ATP11A: variants seen among roughly 807,000 people sequenced by gnomAD.
ATP11A encodes phospholipid-transporting ATPase IH.
Under a neutral mutation model 154.4 loss-of-function variants are expected in ATP11A, and 81 were observed. The ratio of observed to expected loss-of-function variants is 0.52; its 90% CI spans 0.44 to 0.63. ATP11A has a LOEUF of 0.63. ATP11A is among the 30% of genes least tolerant of loss of function. ATP11A has a pLI of 0.00. For missense variants in ATP11A, 1,316 were observed against 1,474.3 expected (o/e 0.89, Z 1.76); for synonymous variants, 623 against 585.9 (o/e 1.06, Z -0.91).
At position 112,756,831 on chromosome 13, in the gene ATP11A, A is replaced by G. The variant is rs946960234; in HGVS notation, c.40-28304A>G. 9.7e-4 allele frequency among the ~76,000 whole-genome samples: 147 copies of G among 150,824 alleles called. 2 individuals carry two copies. The highest frequency in any genetic ancestry group is 3.1e-3 in the African/African-American group (129 of 41,074). ...TCCCAGCGAGGGGTCTGCTCCCAGC[A>G]CGGGGCCTGCTCCCAGCGCGGGGTC... On this transcript the variant is annotated intron_variant, in intron 1 of 29. Coordinates refer to ENST00000375645, the MANE Select transcript of ATP11A (RefSeq NM_015205.3).
chr13:112,841,056 C>T (rs939890803), intron 16 of ATP11A, among the ~76,000 whole-genome samples: 2 of 152,290 alleles, frequency 1.3e-5, no homozygotes, highest in South Asian at 2.1e-4. Flanking sequence ...GCCGTCACCG[C>T]GCCGTAGCAC....
At chr13:112,718,084 TAATA>T (rs982407268) in intron 1 of ATP11A, among the ~76,000 whole-genome samples, 5 of 152,040 alleles carry the variant, frequency 3.3e-5, no homozygotes, top group Non-Finnish European at 5.9e-5. Flanking sequence ...CTCAAAAAAT[TAATA>T]AATAAATAAA....
chr13:112,750,909 TCAAA>T (rs2076676088), intron 1 of ATP11A, among the ~76,000 whole-genome samples: 1 of 152,244 alleles, frequency 6.6e-6, no homozygotes, highest in African/African-American at 2.4e-5. Flanking sequence ...CTCTCCTTCA[TCAAA>T]CATTTATAGA....
intron 1 of ATP11A, among the ~76,000 whole-genome samples, chr13:112,742,452 T>TG (rs1174188217): frequency 7.9e-5 from 12 of 152,184 alleles, no homozygotes; most frequent in African/African-American, 2.6e-4. Flanking sequence ...AGGTCGTGTG[T>TG]GGGGGGACTT....
intron 14 of ATP11A, 103 bp from the exon 15 acceptor site, chr13:112,834,486 T>G (rs2079178685): frequency 1.3e-6 from 1 of 750,038 alleles, no homozygotes; most frequent in African/African-American, 1.8e-5. Flanking sequence ...TGAAAGTATT[T>G]CTTTTTTGAA....
chr13:112,803,557 A>G (rs989730128), intron 2 of ATP11A, among the ~76,000 whole-genome samples: 1 of 148,744 alleles, frequency 6.7e-6, no homozygotes, highest in Non-Finnish European at 1.5e-5. Context: ...AACTATTTCC[A>G]AACTCAGTGA....
Position 112,705,974 on chromosome 13 carries a change from C to T in ATP11A, c.39+15519C>T, listed in dbSNP as rs1463050303. ...AATACACTCAGTGCTGTACGATCAT[C>T]ACCGCCAGGTACTTCCAGATCTTTT... On this transcript the variant is annotated intron_variant, in intron 1 of 29. Coordinates refer to ENST00000375645, the MANE Select transcript of ATP11A (RefSeq NM_015205.3). Among the ~76,000 whole-genome samples the T allele has an allele frequency of 2.0e-5, 3 of 152,202 alleles. No individual in the cohort carries two copies. In the East Asian group the frequency reaches 5.8e-4, roughly 29 times the overall value.
intron 2 of ATP11A, among the ~76,000 whole-genome samples, chr13:112,791,650 C>T (rs975041199): frequency 6.6e-6 from 1 of 152,146 alleles, no homozygotes; most frequent in Non-Finnish European, 1.5e-5. Flanking sequence ...TCCTACTGTC[C>T]GTTTCGAACG....
chr13:112,783,546 C>A (rs1378746062), intron 1 of ATP11A, among the ~76,000 whole-genome samples: 1 of 152,244 alleles, frequency 6.6e-6, no homozygotes, highest in East Asian at 1.9e-4. Context: ...CCTTCGACGG[C>A]AGTGCCCGCT....
In ATP11A at chr13:112,757,747, TAAAAA is replaced by T. The variant is rs1416472288; in HGVS notation, c.40-27387_40-27383del. Among the ~76,000 whole-genome samples the T allele has an allele frequency of 9.2e-5, 14 of 152,360 alleles. 1 individual carries two copies. The East Asian group carries it at 2.7e-3, about 29-fold the overall frequency. On this transcript the variant is annotated intron_variant, in intron 1 of 29. Coordinates refer to ENST00000375645, the MANE Select transcript of ATP11A (RefSeq NM_015205.3). ...AATTACAAAAACAATTAAGTTGTAT[TAAAAA>T]GAAAAGTCTTTAAAAATACCTACTC... is the stretch of plus-strand genomic sequence containing the variant.
At chr13:112,710,052 G>A (rs1328571773) in intron 1 of ATP11A, among the ~76,000 whole-genome samples, 4 of 152,214 alleles carry the variant, frequency 2.6e-5, no homozygotes, top group Non-Finnish European at 5.9e-5. Context: ...CTGGGCATCA[G>A]CCATGGTGAG....
intron 1 of ATP11A, among the ~76,000 whole-genome samples, chr13:112,723,272 A>T: frequency 7.4e-6 from 1 of 135,282 alleles, no homozygotes; most frequent in Non-Finnish European, 1.6e-5. Flanking sequence ...TTGGTGTCTT[A>T]TTGCCACAGA....
chr13:112,707,581 T>C (rs1887288624), intron 1 of ATP11A, among the ~76,000 whole-genome samples: 1 of 152,126 alleles, frequency 6.6e-6, no homozygotes, highest in African/African-American at 2.4e-5. Flanking sequence ...GAACTCAATG[T>C]AGCCATTCCA....
chr13:112,871,795 C>G lies in ATP11A; in HGVS notation c.3052C>G (p.Leu1018Val). The change falls in exon 26 of 30, where the codon CTA (leucine) becomes GTA (valine). Residue 1018 changes from leucine to valine, a missense_variant. Transcript: ENST00000375645. ...CACCGTGATGGTGTTCACAGTTACA[C>G]TAAAGGTAAGTGGTCTCGCGCTCAC... ...VFTVMVFTVT[L>V]KLALDTHYWT... 6.2e-7 allele frequency: 1 copy of G among 1,614,092 alleles called. No individual in the cohort carries two copies. The highest frequency in any genetic ancestry group is 8.5e-7 in the Non-Finnish European group (1 of 1,179,926).
At chr13:112,831,225 A>C in intron 12 of ATP11A, 150 bp from the exon 13 acceptor site, 1 of 828,780 alleles carries the variant, frequency 1.2e-6, no homozygotes. Context: ...CAGCCCAGTG[A>C]GGGGGTCTGT....
chr13:112,826,644 C>A, intron 11 of ATP11A, 50 bp from the exon 12 acceptor site: 1 of 1,491,196 alleles, frequency 6.7e-7, no homozygotes, highest in Non-Finnish European at 9.4e-7. Context: ...TGTTGGAGGC[C>A]TGCTGTCCCT....
At chr13:112,749,045 A>C (rs936431019) in intron 1 of ATP11A, among the ~76,000 whole-genome samples, 1 of 152,226 alleles carries the variant, frequency 6.6e-6, no homozygotes, top group Non-Finnish European at 1.5e-5. Flanking sequence ...CCACAGCTGG[A>C]GTGACCTACA....
chr13:112,796,161 T>C (rs551910582), intron 2 of ATP11A, among the ~76,000 whole-genome samples: 1 of 152,326 alleles, frequency 6.6e-6, no homozygotes, highest in Admixed American at 6.5e-5. Flanking sequence ...AGCCATGTGT[T>C]CTCTACTCTG....
intron 1 of ATP11A, chr13:112,703,342 C>T (rs1003319348): frequency 6.6e-6 from 1 of 152,194 alleles, no homozygotes; most frequent in African/African-American, 2.4e-5. Flanking sequence ...CTCATCTAAT[C>T]GTAAGTACCT....
Sources: allele counts gnomAD v4.1 joint callset (sites outside exome capture counted in the v4.1 genomes callset), GRCh38; gene constraint gnomAD v4.1.1; transcripts MANE v1.5; gene names NCBI Gene and HGNC (gene_info 2026-07-23, HGNC 2026-07-21).